Variants in NBEA observed in about 807,000 individuals in gnomAD.
NBEA encodes neurobeachin, also known as lysosomal-trafficking regulator 2.
NBEA carries 44 observed loss-of-function variants against 343.4 expected under a neutral mutation model. The observed-to-expected ratio is 0.13, with a 90% CI of 0.10 to 0.16. The LOEUF (loss-of-function observed/expected upper bound fraction) is 0.16, where lower values mean the gene tolerates loss of function less well. NBEA is among the 10% of genes least tolerant of loss of function. NBEA has a pLI of 1.00. For missense variants in NBEA, 2,555 were observed against 3,631.3 expected (o/e 0.70, Z 7.62); for synonymous variants, 1,175 against 1,238.7 (o/e 0.95, Z 1.08).
At chr13:35,447,230 T>C (rs1454088134) in intron 39 of NBEA, among the ~76,000 whole-genome samples, 1 of 152,124 alleles carries the variant, frequency 6.6e-6, no homozygotes, top group East Asian at 1.9e-4. Flanking sequence ...CAGTTTGTCA[T>C]TTCTGTGTTT....
intron 34 of NBEA, among the ~76,000 whole-genome samples, chr13:35,274,701 C>T (rs553440620): frequency 6.6e-6 from 1 of 152,224 alleles, no homozygotes; most frequent in East Asian, 1.9e-4. Context: ...AAATCACAAG[C>T]ATTCCTATAC....
At chr13:35,639,143 G>A (rs111940593) in intron 49 of NBEA, among the ~76,000 whole-genome samples, 1,577 of 152,234 alleles carry the variant, frequency 0.01, 12 homozygotes, top group Non-Finnish European at 0.017. Flanking sequence ...TAGCCTTAAT[G>A]CAGTTGAAGG....
Position 35,113,785 on chromosome 13 carries a change from C to G in NBEA, c.2002+2807C>G, listed in dbSNP as rs1222674082. Among the ~76,000 whole-genome samples the G allele has an allele frequency of 2.0e-5, 3 of 152,120 alleles. No individual in the cohort carries two copies. The East Asian group carries it at 5.8e-4, about 29-fold the overall frequency. On this transcript the variant is annotated intron_variant, in intron 13 of 58. Coordinates refer to ENST00000379939, the MANE Select transcript of NBEA (RefSeq NM_001385012.1). ...CATAGTCAGCTCTGACATTGTATTG[C>G]AGAAATAACCACAGACAGTATGTAA... is the stretch of plus-strand genomic sequence containing the variant.
chr13:35,314,879 C>T (rs1168397745), intron 36 of NBEA, among the ~76,000 whole-genome samples: 1 of 152,082 alleles, frequency 6.6e-6, no homozygotes, highest in Non-Finnish European at 1.5e-5. Flanking sequence ...TCAATTTAGA[C>T]TTTTCTCTTT....
chr13:35,168,311 A>G (rs948743218), intron 24 of NBEA, among the ~76,000 whole-genome samples: 2 of 151,628 alleles, frequency 1.3e-5, no homozygotes, highest in Non-Finnish European at 3.0e-5. Flanking sequence ...ATATTTGAAT[A>G]TAATGAATAT....
chr13:35,382,899 A>G (rs1187411355), intron 38 of NBEA, among the ~76,000 whole-genome samples: 4 of 152,208 alleles, frequency 2.6e-5, no homozygotes, highest in African/African-American at 9.6e-5. Flanking sequence ...CTACAAACAA[A>G]GGAAGAGTAA....
intron 30 of NBEA, among the ~76,000 whole-genome samples, chr13:35,187,554 T>G (rs1213862580): frequency 1.3e-5 from 2 of 151,604 alleles, no homozygotes; most frequent in Non-Finnish European, 1.5e-5. Flanking sequence ...CTGTAATTTT[T>G]GGGACAAAGT....
chr13:35,594,900 TC>T (rs1340498038), intron 47 of NBEA, among the ~76,000 whole-genome samples: 3 of 151,580 alleles, frequency 2.0e-5, no homozygotes, highest in African/African-American at 7.3e-5. Flanking sequence ...CCATATTATA[TC>T]AGCCTATTTC....
chr13:35,513,700 C>T (rs906121496), intron 41 of NBEA, among the ~76,000 whole-genome samples: 1 of 151,962 alleles, frequency 6.6e-6, no homozygotes, highest in African/African-American at 2.4e-5. Flanking sequence ...ATAACACATT[C>T]AGGAACATGT....
chr13:35,221,078 G>T (rs529179786), intron 33 of NBEA, among the ~76,000 whole-genome samples: 4 of 152,130 alleles, frequency 2.6e-5, no homozygotes, highest in Admixed American at 2.0e-4. Context: ...GGGCGTGATG[G>T]CTCACGACTG....
chr13:35,298,678 G>A (rs916380172), intron 35 of NBEA, among the ~76,000 whole-genome samples: 1 of 151,862 alleles, frequency 6.6e-6, no homozygotes, highest in Non-Finnish European at 1.5e-5. Flanking sequence ...ATAATAAGAT[G>A]TGTCCAATTT....
chr13:35,551,770 C>T (rs1013611100), intron 43 of NBEA, among the ~76,000 whole-genome samples: 1 of 152,112 alleles, frequency 6.6e-6, no homozygotes, highest in Non-Finnish European at 1.5e-5. Context: ...ACAAAATCAC[C>T]GCTACTTCTT....
chr13:35,235,358 C>G, intron 34 of NBEA, among the ~76,000 whole-genome samples: 1 of 152,154 alleles, frequency 6.6e-6, no homozygotes, highest in Non-Finnish European at 1.5e-5. Flanking sequence ...TCATTCCCTA[C>G]AAGATAAAAG....
chr13:35,591,300 T>C (rs564197161), intron 46 of NBEA, among the ~76,000 whole-genome samples: 11 of 152,096 alleles, frequency 7.2e-5, no homozygotes, highest in Non-Finnish European at 1.6e-4. Flanking sequence ...GCATCTACAA[T>C]TTTTATATCC....
intron 12 of NBEA, among the ~76,000 whole-genome samples, chr13:35,109,815 T>G (rs1240874317): frequency 6.6e-6 from 1 of 151,964 alleles, no homozygotes; most frequent in Non-Finnish European, 1.5e-5. Flanking sequence ...ATTTATATCA[T>G]GACATGTAAA....
chr13:34,950,475 A>C (rs1308798592), intron 1 of NBEA, among the ~76,000 whole-genome samples: 1 of 151,924 alleles, frequency 6.6e-6, no homozygotes, highest in African/African-American at 2.4e-5. Flanking sequence ...TTTGTGCCCC[A>C]ATATTCTAAA....
At chr13:34,953,585 A>T (rs1434818585) in intron 1 of NBEA, among the ~76,000 whole-genome samples, 2 of 152,160 alleles carry the variant, frequency 1.3e-5, no homozygotes, top group African/African-American at 4.8e-5. Flanking sequence ...AGAATTTTAT[A>T]CATATTTCAG....
At chr13:34,973,338 T>C (rs1006509158) in intron 1 of NBEA, among the ~76,000 whole-genome samples, 1 of 152,102 alleles carries the variant, frequency 6.6e-6, no homozygotes, top group Non-Finnish European at 1.5e-5. Flanking sequence ...TGTGCTGTGC[T>C]GGGGTACCAC....
chr13:35,024,673 C>A (rs2061957968), intron 1 of NBEA, among the ~76,000 whole-genome samples: 1 of 152,032 alleles, frequency 6.6e-6, no homozygotes, highest in Non-Finnish European at 1.5e-5. Flanking sequence ...GAGCAAAACT[C>A]TGTCTCAAAA....
Sources: allele counts gnomAD v4.1 joint callset (sites outside exome capture counted in the v4.1 genomes callset), GRCh38; gene constraint gnomAD v4.1.1; transcripts MANE v1.5; gene names NCBI Gene and HGNC (gene_info 2026-07-23, HGNC 2026-07-21).